Variants in SUCLA2 observed in about 807,000 individuals in gnomAD.
SUCLA2 encodes the protein succinate-CoA ligase ADP-forming subunit beta, also known as succinate--CoA ligase [ADP-forming] subunit beta, mitochondrial.
Under a neutral mutation model 54.8 loss-of-function variants are expected in SUCLA2, and 30 were observed. The observed-to-expected ratio is 0.55, with a 90% CI of 0.41 to 0.74. The LOEUF is 0.74. Among genes scored for constraint, SUCLA2 ranks in the 30% least tolerant of loss-of-function variants. The pLI is 0.00. For missense variants in SUCLA2, 476 were observed against 562.9 expected (o/e 0.85, Z 1.56); for synonymous variants, 172 against 188.9 (o/e 0.91, Z 0.74).
intron 10 of SUCLA2, among the ~76,000 whole-genome samples, chr13:47,944,692 A>AT (rs1949715254): frequency 6.6e-6 from 1 of 152,142 alleles, no homozygotes; most frequent in Admixed American, 6.5e-5. Flanking sequence ...CAAATTCTTT[A>AT]TTTTTAATTC....
At chr13:47,965,516 C>CAA (rs76546945) in intron 6 of SUCLA2, 107 of 283,694 alleles carry the variant, frequency 3.8e-4, no homozygotes, top group Middle Eastern at 9.3e-4. Flanking sequence ...AACAAACAAA[C>CAA]AAAAAAAAAA....
At chr13:48,000,137 G>GAGA (rs1555260546) in intron 1 of SUCLA2, among the ~76,000 whole-genome samples, 2 of 94,214 alleles carry the variant, frequency 2.1e-5, no homozygotes, top group African/African-American at 3.9e-5. Context: ...CAATAAAAAT[G>GAGA]AAAAAAAAAA....
intron 2 of SUCLA2, among the ~76,000 whole-genome samples, chr13:47,990,573 C>T (rs868714617): frequency 2.6e-5 from 4 of 152,138 alleles, no homozygotes; most frequent in Non-Finnish European, 4.4e-5. Context: ...CAGGGTGGCA[C>T]CAACTATACA....
chr13:47,964,279 T>C (rs1487975424), intron 6 of SUCLA2, among the ~76,000 whole-genome samples: 3 of 151,854 alleles, frequency 2.0e-5, no homozygotes, highest in African/African-American at 7.3e-5. Context: ...GGATGAAGAA[T>C]AGACTAGTGA....
intron 4 of SUCLA2, among the ~76,000 whole-genome samples, chr13:47,981,383 G>T (rs566336778): frequency 6.6e-6 from 1 of 152,224 alleles, no homozygotes; most frequent in East Asian, 1.9e-4. Flanking sequence ...CACTAATAAC[G>T]GGGGAAATGC....
intron 4 of SUCLA2, 32 bp downstream of exon 4, chr13:47,988,509 A>G (rs1950123047): frequency 1.2e-6 from 2 of 1,609,862 alleles, no homozygotes; most frequent in African/African-American, 1.3e-5. Flanking sequence ...TCATAAATTT[A>G]TCCCGTATGT....
intron 4 of SUCLA2, among the ~76,000 whole-genome samples, chr13:47,986,025 TATAG>T (rs1566090830): frequency 2.3e-5 from 3 of 129,170 alleles, no homozygotes; most frequent in Non-Finnish European, 4.8e-5. Context: ...TGGCCATATG[TATAG>T]TTTTTTTTTT....
intron 2 of SUCLA2, among the ~76,000 whole-genome samples, chr13:47,995,126 A>G (rs892564607): frequency 6.6e-5 from 10 of 152,254 alleles, no homozygotes; most frequent in African/African-American, 2.4e-4. Flanking sequence ...AGGCCTAAGT[A>G]GGAGGATCAC....
At chr13:47,980,868 G>A (rs1010872859) in intron 4 of SUCLA2, among the ~76,000 whole-genome samples, 2 of 152,110 alleles carry the variant, frequency 1.3e-5, no homozygotes, top group Non-Finnish European at 2.9e-5. Flanking sequence ...TCAACAAATG[G>A]TGCTAGAAAA....
At chr13:47,951,798 C>T (rs1337094833) in intron 8 of SUCLA2, among the ~76,000 whole-genome samples, 2 of 152,070 alleles carry the variant, frequency 1.3e-5, no homozygotes, top group East Asian at 1.9e-4. Flanking sequence ...CTATTTACTA[C>T]ATAGTATTTC....
At chr13:47,943,766 G>GTGTGTGTATATATATATA (rs1300486540) in intron 10 of SUCLA2, among the ~76,000 whole-genome samples, 22 of 139,670 alleles carry the variant, frequency 1.6e-4, no homozygotes, top group African/African-American at 4.8e-4. Flanking sequence ...GTGTGTGTGT[G>GTGTGTGTATATATATATA]TATATATATA....
At chr13:47,964,672 A>C (rs1380192850) in intron 6 of SUCLA2, among the ~76,000 whole-genome samples, 1 of 152,044 alleles carries the variant, frequency 6.6e-6, no homozygotes, top group Non-Finnish European at 1.5e-5. Context: ...CCTGGCTAAC[A>C]CGGTGAAACC....
chr13:47,961,545 T>C (rs888482363), intron 6 of SUCLA2, among the ~76,000 whole-genome samples: 1 of 152,124 alleles, frequency 6.6e-6, no homozygotes, highest in African/African-American at 2.4e-5. Context: ...GATATTAGGT[T>C]CCCTGACATC....
At chr13:47,975,980 C>T (rs1029983258) in intron 4 of SUCLA2, among the ~76,000 whole-genome samples, 1 of 152,192 alleles carries the variant, frequency 6.6e-6, no homozygotes, top group Non-Finnish European at 1.5e-5. Context: ...GGTGTGGTGG[C>T]TCACATCTGT....
intron 9 of SUCLA2, 147 bp downstream of exon 9, chr13:47,949,336 G>T: frequency 9.9e-7 from 1 of 1,009,782 alleles, no homozygotes; most frequent in Non-Finnish European, 1.5e-6. Flanking sequence ...ATGTTAAAAT[G>T]TTTTAAAAAC....
chr13:47,983,929 G>GA (rs1234055708), intron 4 of SUCLA2, among the ~76,000 whole-genome samples: 3 of 151,304 alleles, frequency 2.0e-5, no homozygotes, highest in African/African-American at 7.3e-5. Context: ...TTATAAGTTA[G>GA]AAAAAAAAGG....
intron 4 of SUCLA2, among the ~76,000 whole-genome samples, chr13:47,981,694 T>C (rs533151795): frequency 3.9e-5 from 6 of 152,230 alleles, no homozygotes; most frequent in East Asian, 1.9e-4. Context: ...TGCACGCCTG[T>C]AGTCCCAGCT....
At position 47,996,288 on chromosome 13, in the gene SUCLA2, A is replaced by C. The variant is rs1291109138; in HGVS notation, c.271+555T>G. 2.7e-5 allele frequency among the ~76,000 whole-genome samples: 4 copies of C among 149,028 alleles called. No homozygotes were observed. In the East Asian group the frequency reaches 7.9e-4, roughly 29 times the overall value. The stretch of plus-strand genomic sequence containing the variant: ...CAGTGAGCCAGGATTGCACCATTGC[A>C]CTCCAACCTGGGCAATAAGAATGAA... On this transcript the variant is annotated intron_variant, in intron 2 of 10. Transcript: ENST00000646932.
At chr13:48,000,977 AGGGCTG>A in intron 1 of SUCLA2, 197 bp downstream of exon 1, 2 of 1,419,820 alleles carry the variant, frequency 1.4e-6, no homozygotes, top group Non-Finnish European at 1.8e-6. Flanking sequence ...TCGCGGACTA[AGGGCTG>A]GGTCAGAGCC....
Sources: allele counts gnomAD v4.1 joint callset (sites outside exome capture counted in the v4.1 genomes callset), GRCh38; gene constraint gnomAD v4.1.1; transcripts MANE v1.5; gene names NCBI Gene and HGNC (gene_info 2026-07-23, HGNC 2026-07-21).